ABCA4: variants seen among roughly 807,000 people sequenced by gnomAD.
ABCA4 encodes the protein retinal-specific phospholipid-transporting ATPase ABCA4.
A neutral mutation model predicts 263.7 loss-of-function variants in ABCA4; 196 were observed. That is an observed-to-expected ratio of 0.74 (90% CI 0.66 to 0.84). The LOEUF (loss-of-function observed/expected upper bound fraction) is 0.84. Among genes scored for constraint, ABCA4 ranks in the 40% least tolerant of loss-of-function variants. The probability of loss-of-function intolerance (pLI) is 0.00; values close to 1 mark genes in which losing one functional copy is unlikely to be tolerated. For missense variants in ABCA4, 2,792 were observed against 2,855.1 expected (o/e 0.98, Z 0.50); for synonymous variants, 1,133 against 1,094.2 (o/e 1.04, Z -0.70).
Position 93,992,979 on chromosome 1 carries a change from T to G in ABCA4, c.*258A>C. 2 of 549,284 alleles carry G rather than the reference T, an allele frequency of 3.6e-6. No homozygotes were observed. The highest frequency in any genetic ancestry group is 3.1e-5 in the East Asian group (1 of 32,656). 34.0% of individuals were successfully genotyped at this position (549,284 alleles called of 1,614,324 possible). A position where few individuals can be genotyped will look rare whatever the true frequency, so the allele number is the denominator to read the frequency against. ...GCTGCTAGTGGGATGGCCCGGGGTT[T>G]CTAGTTCTGGGGTCTGGAGAAGGAT... On this transcript the variant is annotated 3_prime_UTR_variant, in exon 50 of 50. Coordinates refer to ENST00000370225, the MANE Select transcript of ABCA4 (RefSeq NM_000350.3).
chr1:94,077,527 G>C (rs1661567405), intron 11 of ABCA4, among the ~76,000 whole-genome samples, 163 bp downstream of exon 11: 1 of 152,214 alleles, frequency 6.6e-6, no homozygotes, highest in Non-Finnish European at 1.5e-5. Context: ...GTATGGATAA[G>C]CTGTTAGAGA....
In ABCA4 at chr1:94,119,173, GT is replaced by G. The variant is rs201101287; in HGVS notation, c.66+1806del. Among the ~76,000 whole-genome samples, 7 of 151,330 alleles carry G rather than the reference GT, an allele frequency of 4.6e-5. 1 individual carries two copies. The highest frequency in any genetic ancestry group is 1.2e-4 in the African/African-American group (5 of 41,168). On this transcript the variant is annotated intron_variant, in intron 1 of 49. Coordinates refer to ENST00000370225, the MANE Select transcript of ABCA4 (RefSeq NM_000350.3). Reference sequence around the variant, plus strand: ...ATACATGAAAAAATTTAATCATGAGGTTTTTTTTTCCAGTTTTATCAGGATT... The same window carrying G: ...ATACATGAAAAAATTTAATCATGAGGTTTTTTTTCCAGTTTTATCAGGATT...
At chr1:94,014,500 T>C in intron 38 of ABCA4, 43 bp downstream of exon 38, 6 of 1,608,370 alleles carry the variant, frequency 3.7e-6, no homozygotes, top group South Asian at 2.2e-5. Context: ...CATACTCTAC[T>C]ATCCTACTAA....
Position 94,098,928 on chromosome 1 carries a change from G to T in ABCA4, c.634C>A (p.Arg212Ser), listed in dbSNP as rs61750200. The change falls in exon 6 of 50, where the codon CGC becomes AGC. Residue 212 changes from arginine (R) to serine (S), a missense_variant. By Grantham distance (110) the Arg-to-Ser change is moderately radical. Coordinates refer to ENST00000370225, the MANE Select transcript of ABCA4 (RefSeq NM_000350.3). ...CGTCTCTGGCTGAAGATGATGAAGC[G>T]CTCCAGGAGGGCCTCGCTGCAGGCG... is the stretch of plus-strand genomic sequence containing the variant. Reference protein sequence around the residue: ...DIACSEALLERFIIFSQRRGA... With the variant: ...DIACSEALLESFIIFSQRRGA... 1 of 1,613,426 alleles carries T rather than the reference G, an allele frequency of 6.2e-7. No homozygotes were observed. Among genetic ancestry groups the T allele is most frequent in the East Asian group, 2.2e-5 (1 of 44,876 alleles).
intron 16 of ABCA4, among the ~76,000 whole-genome samples, chr1:94,053,933 T>A (rs1400066292): frequency 6.6e-6 from 1 of 152,254 alleles, no homozygotes; most frequent in Non-Finnish European, 1.5e-5. Flanking sequence ...ATCTGAGAGC[T>A]GTGAGTTTGT....
At chr1:94,081,640 G>T (rs113416243) in intron 7 of ABCA4, among the ~76,000 whole-genome samples, 1 of 152,126 alleles carries the variant, frequency 6.6e-6, no homozygotes, top group African/African-American at 2.4e-5. Context: ...CTGTGTGTGC[G>T]TTTTAAAATT....
intron 11 of ABCA4, among the ~76,000 whole-genome samples, chr1:94,074,159 A>T (rs1661477536): frequency 6.6e-6 from 1 of 152,212 alleles, no homozygotes; most frequent in African/African-American, 2.4e-5. Context: ...TCTGTTTTGT[A>T]AACAGACACA....
In ABCA4 at chr1:94,056,840, T is replaced by C. The variant is rs762336858; in HGVS notation, c.2161-18A>G. On this transcript the variant is annotated intron_variant, in intron 14 of 49. Coordinates refer to ENST00000370225, the MANE Select transcript of ABCA4 (RefSeq NM_000350.3). ...CTTCCATGCTGAAACCAAGAGGCCA[T>C]GCGTCAGTAACTCCTGCCCTTGGCC... The C allele has an allele frequency of 3.0e-5, 47 of 1,573,906 alleles. 1 individual carries two copies. In the Middle Eastern group the frequency reaches 4.9e-3, roughly 163 times the overall value.
At chr1:94,013,983 T>C (rs1430032107) in intron 38 of ABCA4, among the ~76,000 whole-genome samples, 5 of 152,184 alleles carry the variant, frequency 3.3e-5, no homozygotes, top group Admixed American at 6.5e-5. Context: ...TGCCTTTTTG[T>C]TCCTTTTAGA....
At chr1:94,102,671 G>C (rs1570425964) in intron 5 of ABCA4, among the ~76,000 whole-genome samples, 1 of 152,244 alleles carries the variant, frequency 6.6e-6, no homozygotes, top group Non-Finnish European at 1.5e-5. Flanking sequence ...CTGTGTTCTA[G>C]TACCTACAAC....
rs1472081651 is a variant in ABCA4, at chr1:94,080,589, C to A, written c.988G>T (p.Gly330Cys). Reference sequence around the variant, plus strand: ...TTGAAGGAGAGCACCCGAGAGCCACCTCCCTCGGGGTAGCCACACAGGAGG... The same window carrying A: ...TTGAAGGAGAGCACCCGAGAGCCACATCCCTCGGGGTAGCCACACAGGAGG... ...SDLLCGYPEG[G>C]GSRVLSFNWY... The change falls in exon 8 of 50, where the codon GGT (glycine) becomes TGT (cysteine). Residue 330 changes from glycine to cysteine, a missense_variant. Coordinates refer to ENST00000370225, the MANE Select transcript of ABCA4 (RefSeq NM_000350.3). 3 of 1,614,046 alleles carry A rather than the reference C, an allele frequency of 1.9e-6. No individual in the cohort carries two copies. Among genetic ancestry groups the A allele is most frequent in the African/African-American group, 2.7e-5 (2 of 74,916 alleles).
At chr1:94,097,658 T>G (rs749930442) in intron 6 of ABCA4, among the ~76,000 whole-genome samples, 8 of 152,232 alleles carry the variant, frequency 5.3e-5, no homozygotes, top group Admixed American at 2.0e-4. Flanking sequence ...ATTCTGGGCC[T>G]GGCCTGGTTC....
In ABCA4 at chr1:94,111,359, C is replaced by T. The variant is rs763200603; in HGVS notation, c.302+79G>A. 2.8e-4 allele frequency: 437 copies of T among 1,552,970 alleles called. 1 individual carries two copies. Among genetic ancestry groups the T allele is most frequent in the Non-Finnish European group, 3.6e-4 (406 of 1,133,646 alleles). The stretch of plus-strand genomic sequence containing the variant: ...CAAGAACACTCAGTGCTCCATGCTC[C>T]GTGCACGCACGTGTGCATTTCAGCA... On this transcript the variant is annotated intron_variant, in intron 3 of 49. Coordinates refer to ENST00000370225, the MANE Select transcript of ABCA4 (RefSeq NM_000350.3).
At position 94,041,231 on chromosome 1, in the gene ABCA4, T is replaced by C. The variant is rs1660477115; in HGVS notation, c.3500A>G (p.Gln1167Arg). ...TACCTCACTGCCTTTCCTTTGGCTC[T>C]GGATGTTTTTCATCTTGCGCACCAA... ...LTLVRKMKNIQSQRKGSEGTC... is the reference protein window; with the variant it reads ...LTLVRKMKNIRSQRKGSEGTC... Residue 1167 changes from glutamine to arginine, a missense_variant, in exon 23 of 50, where the codon CAG becomes CGG. Gln to Arg is a conservative substitution (Grantham distance 43). Coordinates refer to ENST00000370225, the MANE Select transcript of ABCA4 (RefSeq NM_000350.3). 1 of 1,614,208 alleles carries C rather than the reference T, an allele frequency of 6.2e-7. No individual in the cohort carries two copies. The highest frequency in any genetic ancestry group is 1.1e-5 in the South Asian group (1 of 91,084).
intron 17 of ABCA4, among the ~76,000 whole-genome samples, chr1:94,049,938 G>A (rs988156199): frequency 1.3e-5 from 2 of 152,196 alleles, no homozygotes; most frequent in Non-Finnish European, 1.5e-5. Context: ...GGGCCAGTCA[G>A]TCTGCCAGAG....
chr1:94,111,655 T>G, intron 2 of ABCA4, 76 bp from the exon 3 acceptor site: 1 of 1,577,830 alleles, frequency 6.3e-7, no homozygotes, highest in Non-Finnish European at 8.7e-7. Context: ...GAGTTGGCCT[T>G]TTTGGGAAGG....
intron 7 of ABCA4, 23 bp downstream of exon 7, chr1:94,083,329 A>C: frequency 6.5e-7 from 1 of 1,534,582 alleles, no homozygotes. Flanking sequence ...TGAAATTATA[A>C]TTACTACCAT....
rs147826775 is a variant in ABCA4, at chr1:94,044,721, G to A, written c.2942C>T (p.Pro981Leu). Reference protein sequence around the residue: ...TTLSILTGLLPPTSGTVLVGG... With the variant: ...TTLSILTGLLLPTSGTVLVGG... Reference sequence around the variant, plus strand: ...AACGAGCACAGTCCCAGAGGTTGGTGGCAACAGACCCGTCAGGATGGACCT... The same window carrying A: ...AACGAGCACAGTCCCAGAGGTTGGTAGCAACAGACCCGTCAGGATGGACCT... The change falls in exon 20 of 50, where the codon CCA becomes CTA. Residue 981 changes from proline to leucine, a missense_variant. By Grantham distance (98) the Pro-to-Leu change is moderately conservative. Transcript: ENST00000370225. 4.3e-6 allele frequency: 7 copies of A among 1,614,092 alleles called. No homozygotes were observed. Among genetic ancestry groups the A allele is most frequent in the Non-Finnish European group, 5.9e-6 (7 of 1,180,046 alleles).
chr1:94,066,458 G>GA (rs1372995346), intron 11 of ABCA4, among the ~76,000 whole-genome samples: 3 of 152,144 alleles, frequency 2.0e-5, no homozygotes, highest in African/African-American at 7.2e-5. Context: ...TTCCTAAAAC[G>GA]AAAAACAAAA....
Sources: allele counts gnomAD v4.1 joint callset (sites outside exome capture counted in the v4.1 genomes callset), GRCh38; gene constraint gnomAD v4.1.1; transcripts MANE v1.5; gene names NCBI Gene and HGNC (gene_info 2026-07-23, HGNC 2026-07-21).